The following TPD52 variants were observed in gnomAD, a reference collection of about 807,000 sequenced individuals.
TPD52 encodes tumor protein D52.
TPD52 carries 17 observed loss-of-function variants against 31.3 expected under a neutral mutation model. The observed-to-expected ratio is 0.54, with a 90% confidence interval of 0.37 to 0.82. The LOEUF is 0.82. Ranked by LOEUF, TPD52 falls within the 40% of genes least tolerant of loss-of-function variation. The pLI, the probability that TPD52 is intolerant of heterozygous loss-of-function variation, is 0.00. For synonymous variants in TPD52, 83 were observed against 89.6 expected (o/e 0.93, Z 0.42); for missense variants, 212 against 240.1 (o/e 0.88, Z 0.77).
chr8:80,148,778 C>A (rs925716892), intron 1 of TPD52, among the ~76,000 whole-genome samples: 12 of 152,140 alleles, frequency 7.9e-5, no homozygotes, highest in African/African-American at 2.9e-4. Context: ...TATTTTGATA[C>A]AAGCAAAAGC....
At chr8:80,108,786 G>A (rs577736356) in intron 1 of TPD52, among the ~76,000 whole-genome samples, 1 of 152,172 alleles carries the variant, frequency 6.6e-6, no homozygotes, top group Non-Finnish European at 1.5e-5. Flanking sequence ...ATATGTGGAA[G>A]TTTTGCTGGT....
intron 1 of TPD52, among the ~76,000 whole-genome samples, chr8:80,113,491 CA>C (rs905329422): frequency 2.2e-4 from 33 of 152,246 alleles, no homozygotes; most frequent in African/African-American, 7.5e-4. Flanking sequence ...ATGTTTACTG[CA>C]GCACTATTCA....
At chr8:80,045,259 C>A (rs1333075482) in intron 5 of TPD52, among the ~76,000 whole-genome samples, 1 of 151,520 alleles carries the variant, frequency 6.6e-6, no homozygotes, top group Non-Finnish European at 1.5e-5. Context: ...TGGTCCCAAT[C>A]TCTAAATTTA....
intron 1 of TPD52, among the ~76,000 whole-genome samples, chr8:80,089,213 C>T (rs1463300356): frequency 2.0e-5 from 3 of 152,216 alleles, no homozygotes; most frequent in African/African-American, 7.2e-5. Context: ...CAAAGACACA[C>T]TGCATGACAC....
chr8:80,151,965 T>C (rs1028590500), intron 1 of TPD52, among the ~76,000 whole-genome samples: 10 of 152,242 alleles, frequency 6.6e-5, no homozygotes, highest in Non-Finnish European at 2.9e-5. Context: ...ATTGCGCTTA[T>C]GTTGATTTTT....
At chr8:80,086,226 TCCTAA>T (rs939232579) in intron 1 of TPD52, among the ~76,000 whole-genome samples, 12 of 148,524 alleles carry the variant, frequency 8.1e-5, no homozygotes, top group African/African-American at 2.5e-4. Context: ...TAAGTGATTC[TCCTAA>T]CCTCAGTCTC....
At chr8:80,062,219 T>C (rs920371744) in intron 2 of TPD52, among the ~76,000 whole-genome samples, 2 of 152,228 alleles carry the variant, frequency 1.3e-5, no homozygotes, top group African/African-American at 4.8e-5. Context: ...AAAAGACATA[T>C]AGATGAATGA....
chr8:80,037,862 C>A lies in TPD52; in HGVS notation c.*254G>T. 1 of 347,882 alleles carries A rather than the reference C, an allele frequency of 2.9e-6. No individual in the cohort carries two copies. Among genetic ancestry groups the A allele is most frequent in the Non-Finnish European group, 5.2e-6 (1 of 193,428 alleles). The allele number at this position is 347,882 out of a possible 1,614,324, so 21.5% of individuals were successfully genotyped here. On this transcript the variant is annotated 3_prime_UTR_variant, in exon 8 of 8. Transcript: ENST00000518937. ...TTCTTAGATCATTATAGTGAATGTC[C>A]CCATTTACTATAAGTGTTTTTATAA... is the stretch of plus-strand genomic sequence containing the variant.
chr8:80,121,973 T>C (rs1000860932), intron 1 of TPD52, among the ~76,000 whole-genome samples: 3 of 149,058 alleles, frequency 2.0e-5, no homozygotes, highest in African/African-American at 7.5e-5. Context: ...TATTTCTACT[T>C]CACATTTTTT....
chr8:80,162,502 T>A (rs1811426172), intron 1 of TPD52, among the ~76,000 whole-genome samples: 1 of 151,756 alleles, frequency 6.6e-6, no homozygotes, highest in Non-Finnish European at 1.5e-5. Context: ...ATTTTTTTTT[T>A]AAGGAAATGA....
intron 1 of TPD52, among the ~76,000 whole-genome samples, chr8:80,166,186 G>A (rs1456514467): frequency 1.3e-5 from 2 of 152,024 alleles, no homozygotes; most frequent in Non-Finnish European, 1.5e-5. Flanking sequence ...GGAGGCACAC[G>A]CCTGTAGTCA....
intron 1 of TPD52, chr8:80,158,943 C>CAAAAAAAAAA (rs57625062): frequency 9.2e-5 from 7 of 76,354 alleles, no homozygotes; most frequent in African/African-American, 3.6e-4. Context: ...GACTCCGTCT[C>CAAAAAAAAAA]AAAAAAAAAA....
intron 1 of TPD52, among the ~76,000 whole-genome samples, chr8:80,106,498 A>T (rs1807120990): frequency 6.6e-6 from 1 of 151,964 alleles, no homozygotes; most frequent in South Asian, 2.1e-4. Flanking sequence ...CTGAGACTAC[A>T]GGTGCACGCC....
Position 80,035,390 on chromosome 8 carries a change from G to A in TPD52, c.*2726C>T, listed in dbSNP as rs1809832338. 1 of 152,212 alleles carries A rather than the reference G, an allele frequency of 6.6e-6. No individual in the cohort carries two copies. Among genetic ancestry groups the A allele is most frequent in the Non-Finnish European group, 1.5e-5 (1 of 68,030 alleles). The allele number at this position is 152,212 out of a possible 1,614,324, so 9.4% of individuals were successfully genotyped here. On this transcript the variant is annotated 3_prime_UTR_variant, in exon 8 of 8. Transcript: ENST00000518937. ...TTTAATAAATGCCTTCTGATAGGCA[G>A]AATGTAGCTGCTCATGGCTCTTTAA...
At chr8:80,149,452 T>C (rs1157729083) in intron 1 of TPD52, among the ~76,000 whole-genome samples, 1 of 152,116 alleles carries the variant, frequency 6.6e-6, no homozygotes, top group African/African-American at 2.4e-5. Flanking sequence ...TGTCTCCTCA[T>C]TAGCAGTGTG....
chr8:80,114,584 A>C (rs1363483742), intron 1 of TPD52, among the ~76,000 whole-genome samples: 1 of 152,202 alleles, frequency 6.6e-6, no homozygotes, highest in Non-Finnish European at 1.5e-5. Context: ...AAATCCAAGC[A>C]CGCTCTCAGG....
At chr8:80,045,840 T>C (rs1224859662) in intron 5 of TPD52, among the ~76,000 whole-genome samples, 1 of 152,242 alleles carries the variant, frequency 6.6e-6, no homozygotes, top group African/African-American at 2.4e-5. Context: ...AAAAGTTACA[T>C]AGCTTTCTGT....
intron 1 of TPD52, among the ~76,000 whole-genome samples, chr8:80,168,291 G>C (rs1811848985): frequency 6.6e-6 from 1 of 152,166 alleles, no homozygotes; most frequent in East Asian, 1.9e-4. Context: ...AGTACAATCA[G>C]TAGCAAGAAC....
intron 1 of TPD52, among the ~76,000 whole-genome samples, chr8:80,072,733 A>C (rs1335629237): frequency 1.3e-5 from 2 of 149,956 alleles, no homozygotes; most frequent in African/African-American, 5.1e-5. Context: ...ATATATACAT[A>C]TATATACACA....
Sources: allele counts gnomAD v4.1 joint callset (sites outside exome capture counted in the v4.1 genomes callset), GRCh38; gene constraint gnomAD v4.1.1; transcripts MANE v1.5; gene names NCBI Gene and HGNC (gene_info 2026-07-23, HGNC 2026-07-21).